IL18: variants seen among roughly 807,000 people sequenced by gnomAD.
IL18 encodes the protein interleukin 18, also known as interleukin-18.
A neutral mutation model predicts 14.2 loss-of-function variants in IL18; 8 were observed. That is an observed-to-expected ratio of 0.56 (90% CI 0.33 to 1.01). The LOEUF is 1.01. Among genes scored for constraint, IL18 ranks in the 50% least tolerant of loss-of-function variants. The pLI, the probability that IL18 is intolerant of heterozygous loss-of-function variation, is 0.03. For synonymous variants in IL18, 67 were observed against 71.0 expected (o/e 0.94, Z 0.28); for missense variants, 166 against 231.1 (o/e 0.72, Z 1.83).
At chr11:112,151,148 C>G (rs1351750529) in intron 3 of IL18, 2 of 152,092 alleles carry the variant, frequency 1.3e-5, no homozygotes, top group African/African-American at 4.8e-5. Flanking sequence ...ATAACAACAA[C>G]AAACTGGAAA....
intron 3 of IL18, chr11:112,153,225 A>G: frequency 5.7e-6 from 1 of 176,702 alleles, no homozygotes; most frequent in Admixed American, 6.2e-5. Context: ...TTCTGAGAGG[A>G]GGTGTTACTG....
At chr11:112,159,026 T>C (rs1403564832) in intron 1 of IL18, among the ~76,000 whole-genome samples, 1 of 39,414 alleles carries the variant, frequency 2.5e-5, no homozygotes, top group African/African-American at 9.1e-5. Context: ...AATTTGTGTT[T>C]TAAAAACTCA....
At chr11:112,145,240 G>C (rs1866316125) in intron 5 of IL18, among the ~76,000 whole-genome samples, 2 of 152,186 alleles carry the variant, frequency 1.3e-5, no homozygotes, top group South Asian at 4.1e-4. Flanking sequence ...AACAAGTGTG[G>C]GTCCTAAGTT....
rs533271356 is a variant in IL18, at chr11:112,153,973, G to T, written c.80-370C>A. Among the ~76,000 whole-genome samples the T allele has an allele frequency of 1.2e-3, 180 of 150,630 alleles. 1 individual carries two copies. The highest frequency in any genetic ancestry group is 2.4e-3 in the African/African-American group (100 of 41,220). ...TAATTTTTTATGAAGGTTTTTTTTT[G>T]TGTGTGTGTGTCAGGGTCTACTGTC... On this transcript the variant is annotated intron_variant, in intron 2 of 5. Transcript: ENST00000280357.
chr11:112,156,348 C>T (rs1165740151), intron 1 of IL18, among the ~76,000 whole-genome samples: 1 of 152,118 alleles, frequency 6.6e-6, no homozygotes, highest in Non-Finnish European at 1.5e-5. Context: ...TCACTGTACC[C>T]AGGCCTTATT....
chr11:112,147,622 A>T (rs868743072), intron 5 of IL18, among the ~76,000 whole-genome samples: 1 of 152,162 alleles, frequency 6.6e-6, no homozygotes, highest in African/African-American at 2.4e-5. Flanking sequence ...GGTTGGAGGG[A>T]GATAGCTGAG....
rs751630600 is a variant in IL18, at chr11:112,153,615, A to G, written c.80-12T>C. ...ACCATCATCTTCAGCTAAGAGGGGG[A>G]AAAAGAGAGAAACAGAATATGTAAA... On this transcript the variant is annotated splice_polypyrimidine_tract_variant and intron_variant, in intron 2 of 5. Transcript: ENST00000280357. 2.0e-6 allele frequency: 3 copies of G among 1,536,264 alleles called. No individual in the cohort carries two copies. The highest frequency in any genetic ancestry group is 2.7e-6 in the Non-Finnish European group (3 of 1,128,530).
At chr11:112,151,662 T>C (rs1866441116) in intron 3 of IL18, among the ~76,000 whole-genome samples, 1 of 152,192 alleles carries the variant, frequency 6.6e-6, no homozygotes, top group African/African-American at 2.4e-5. Flanking sequence ...CTCATTGCAA[T>C]CTGCCTCTGC....
chr11:112,145,582 A>AC (rs1866322542), intron 5 of IL18, among the ~76,000 whole-genome samples: 1 of 152,094 alleles, frequency 6.6e-6, no homozygotes, highest in Admixed American at 6.5e-5. Flanking sequence ...TACTAAAAAT[A>AC]CAAAAAATTA....
chr11:112,145,359 G>A (rs1400045694), intron 5 of IL18, among the ~76,000 whole-genome samples: 1 of 152,180 alleles, frequency 6.6e-6, no homozygotes, highest in Non-Finnish European at 1.5e-5. Flanking sequence ...GAACTAATCT[G>A]AAATCTAATG....
chr11:112,144,987 A>AAT (rs1414601597), intron 5 of IL18, among the ~76,000 whole-genome samples: 1 of 152,238 alleles, frequency 6.6e-6, no homozygotes, highest in African/African-American at 2.4e-5. Flanking sequence ...TGTGGGCACC[A>AAT]CCTAAGGTTC....
intron 5 of IL18, among the ~76,000 whole-genome samples, chr11:112,145,471 G>A (rs1168743892): frequency 6.6e-6 from 1 of 152,240 alleles, no homozygotes; most frequent in African/African-American, 2.4e-5. Flanking sequence ...CGGGTGCGAT[G>A]GCTCACGCCT....
chr11:112,158,874 A>C (rs1866580541), intron 1 of IL18, among the ~76,000 whole-genome samples: 1 of 152,190 alleles, frequency 6.6e-6, no homozygotes, highest in Non-Finnish European at 1.5e-5. Context: ...AATTCACATA[A>C]AATGCAACTT....
intron 2 of IL18, among the ~76,000 whole-genome samples, chr11:112,154,509 G>GA (rs112713245): frequency 1.6e-3 from 187 of 120,634 alleles, no homozygotes; most frequent in South Asian, 4.1e-3. Flanking sequence ...CTGGGCAACA[G>GA]AAAAAAAAAA....
intron 3 of IL18, chr11:112,153,369 G>A (rs1404102398): frequency 2.8e-5 from 11 of 399,674 alleles, no homozygotes; most frequent in Non-Finnish European, 4.6e-5. Flanking sequence ...AAGAGCTGGA[G>A]AATTTTTTAA....
intron 1 of IL18, among the ~76,000 whole-genome samples, chr11:112,157,243 A>G (rs754878631): frequency 7.2e-5 from 11 of 152,216 alleles, no homozygotes; most frequent in Non-Finnish European, 1.2e-4. Context: ...TCTTCTGTAC[A>G]TACTTTAATA....
At chr11:112,156,853 T>C (rs1312344388) in intron 1 of IL18, among the ~76,000 whole-genome samples, 1 of 151,318 alleles carries the variant, frequency 6.6e-6, no homozygotes, top group African/African-American at 2.4e-5. Flanking sequence ...AAATATTAAA[T>C]TTTATAAGCT....
At chr11:112,156,315 G>GT (rs2135320205) in intron 1 of IL18, among the ~76,000 whole-genome samples, 1 of 152,260 alleles carries the variant, frequency 6.6e-6, no homozygotes, top group South Asian at 2.1e-4. Context: ...GCCTCCCAAA[G>GT]TGCTTGAGAT....
intron 2 of IL18, among the ~76,000 whole-genome samples, 198 bp downstream of exon 2, chr11:112,154,777 A>G (rs151298325): frequency 2.6e-5 from 4 of 152,340 alleles, no homozygotes; most frequent in African/African-American, 9.6e-5. Flanking sequence ...AAGTGCCAGG[A>G]CACGTGGTGT....
Sources: gnomAD v4.1 joint callset for allele counts (sites outside exome capture counted in the v4.1 genomes callset) on GRCh38, gnomAD v4.1.1 for gene constraint, MANE v1.5 for transcripts, NCBI Gene and HGNC (gene_info 2026-07-23, HGNC 2026-07-21) for gene names.